Variants in PTPRQ observed in about 807,000 individuals in gnomAD.
The protein encoded by PTPRQ is protein tyrosine phosphatase receptor type Q, also known as phosphatidylinositol phosphatase PTPRQ.
Under a neutral mutation model 246.0 loss-of-function variants are expected in PTPRQ, and 199 were observed. That is an observed-to-expected ratio of 0.81 (90% CI 0.72 to 0.91). PTPRQ has a LOEUF of 0.91. Among genes scored for constraint, PTPRQ ranks in the 40% least tolerant of loss-of-function variants. PTPRQ has a pLI of 0.00. For synonymous variants in PTPRQ, 869 were observed against 853.2 expected (o/e 1.02, Z -0.32); for missense variants, 2,624 against 2,528.4 (o/e 1.04, Z -0.81).
Position 80,447,373 on chromosome 12 carries a change from T to C in PTPRQ, c.390+1656T>C, listed in dbSNP as rs181681408. Reference sequence around the variant, plus strand: ...TCTGTTTACTCTGTTAATTATTTCCTTTGCTGTGCAGAAGCTTTTTAGTTT... The same window carrying C: ...TCTGTTTACTCTGTTAATTATTTCCCTTGCTGTGCAGAAGCTTTTTAGTTT... On this transcript the variant is annotated intron_variant, in intron 3 of 44. Transcript: ENST00000644991. 5.9e-5 allele frequency among the ~76,000 whole-genome samples: 9 copies of C among 152,240 alleles called. No individual in the cohort carries two copies. In the South Asian group the frequency reaches 1.7e-3, roughly 28 times the overall value.
chr12:80,597,026 C>G (rs1897992441), intron 26 of PTPRQ, among the ~76,000 whole-genome samples: 2 of 151,886 alleles, frequency 1.3e-5, no homozygotes, highest in Admixed American at 1.3e-4. Context: ...TTGAGCAAAG[C>G]CTCAGGGTGG....
chr12:80,543,023 T>C, intron 23 of PTPRQ, 142 bp downstream of exon 23: 2 of 640,580 alleles, frequency 3.1e-6, no homozygotes, highest in Non-Finnish European at 4.9e-6. Context: ...AATTTAAGGA[T>C]GCTTATGGAA....
At chr12:80,647,813 C>A (rs1268299831) in intron 35 of PTPRQ, among the ~76,000 whole-genome samples, 1 of 151,860 alleles carries the variant, frequency 6.6e-6, no homozygotes, top group African/African-American at 2.4e-5. Context: ...ACTTAGATGC[C>A]CTGTTTGGCA....
At chr12:80,664,647 C>G (rs1350789316) in intron 39 of PTPRQ, among the ~76,000 whole-genome samples, 2 of 151,980 alleles carry the variant, frequency 1.3e-5, no homozygotes, top group African/African-American at 4.8e-5. Flanking sequence ...GAAGAATTGT[C>G]AACACTTACT....
intron 25 of PTPRQ, among the ~76,000 whole-genome samples, chr12:80,550,325 G>T (rs768105128): frequency 6.6e-6 from 1 of 152,012 alleles, no homozygotes; most frequent in Admixed American, 6.6e-5. Context: ...ATTAAAACCT[G>T]TTTCTTTCCT....
intron 37 of PTPRQ, 116 bp from the exon 38 acceptor site, chr12:80,652,628 G>A: frequency 3.0e-6 from 3 of 991,596 alleles, no homozygotes; most frequent in Non-Finnish European, 4.1e-6. Context: ...GTTATGATAG[G>A]TGTTTTTAAT....
intron 27 of PTPRQ, among the ~76,000 whole-genome samples, chr12:80,609,102 C>T (rs1371965180): frequency 6.7e-5 from 10 of 150,118 alleles, no homozygotes; most frequent in Admixed American, 2.0e-4. Flanking sequence ...CTGTATGCAA[C>T]GATAGTATTA....
At chr12:80,566,180 A>G (rs1202495615) in intron 25 of PTPRQ, among the ~76,000 whole-genome samples, 1 of 152,186 alleles carries the variant, frequency 6.6e-6, no homozygotes, top group African/African-American at 2.4e-5. Context: ...AAGATACATT[A>G]AAAATTAATA....
chr12:80,497,021 G>C (rs886239492), intron 14 of PTPRQ, among the ~76,000 whole-genome samples: 1 of 151,912 alleles, frequency 6.6e-6, no homozygotes, highest in Admixed American at 6.6e-5. Flanking sequence ...GGATGTTATA[G>C]AGCAGGGGTC....
intron 28 of PTPRQ, among the ~76,000 whole-genome samples, chr12:80,613,286 C>A (rs1898622711): frequency 6.6e-6 from 1 of 150,558 alleles, no homozygotes; most frequent in African/African-American, 2.4e-5. Flanking sequence ...CCATTGCACT[C>A]CAGTCAGGGT....
chr12:80,481,707 C>G (rs201842169), intron 8 of PTPRQ, among the ~76,000 whole-genome samples: 47 of 151,980 alleles, frequency 3.1e-4, no homozygotes, highest in Non-Finnish European at 6.0e-4. Flanking sequence ...GTACAAAAAT[C>G]ACAAGCATTC....
At chr12:80,659,372 A>G (rs1900553824) in intron 39 of PTPRQ, among the ~76,000 whole-genome samples, 1 of 152,084 alleles carries the variant, frequency 6.6e-6, no homozygotes, top group Non-Finnish European at 1.5e-5. Context: ...AATGATGCAT[A>G]TATGCATTTA....
chr12:80,572,452 TTAAAAG>T (rs1478816603), intron 25 of PTPRQ, among the ~76,000 whole-genome samples: 7 of 152,252 alleles, frequency 4.6e-5, no homozygotes, highest in African/African-American at 1.7e-4. Context: ...TCTTCTAAAA[TTAAAAG>T]TATTTTTCTC....
intron 3 of PTPRQ, among the ~76,000 whole-genome samples, chr12:80,450,135 A>C (rs1892703656): frequency 6.6e-6 from 1 of 151,812 alleles, no homozygotes; most frequent in Admixed American, 6.6e-5. Flanking sequence ...TTCTCTTTGA[A>C]TCAATTGTGA....
intron 25 of PTPRQ, among the ~76,000 whole-genome samples, chr12:80,577,956 A>G (rs886672969): frequency 5.3e-5 from 8 of 152,178 alleles, no homozygotes; most frequent in African/African-American, 1.9e-4. Flanking sequence ...CATGAACGGT[A>G]TACTTACAAT....
At chr12:80,458,131 T>A (rs1268749647) in intron 4 of PTPRQ, among the ~76,000 whole-genome samples, 1 of 152,066 alleles carries the variant, frequency 6.6e-6, no homozygotes, top group Non-Finnish European at 1.5e-5. Context: ...CATGCAGTCA[T>A]TACCAAACCA....
intron 38 of PTPRQ, among the ~76,000 whole-genome samples, chr12:80,654,015 CTTTT>C (rs966325772): frequency 2.5e-4 from 38 of 151,592 alleles, no homozygotes; most frequent in African/African-American, 9.0e-4. Context: ...TTCTTTCTTT[CTTTT>C]TTTCTTTCTT....
intron 17 of PTPRQ, among the ~76,000 whole-genome samples, chr12:80,531,390 C>T (rs1171335302): frequency 1.3e-5 from 2 of 152,136 alleles, no homozygotes; most frequent in East Asian, 1.9e-4. Context: ...GATTTTAAAA[C>T]TAAGCCAGCT....
At chr12:80,465,257 G>A (rs544258636) in intron 6 of PTPRQ, 1 of 152,218 alleles carries the variant, frequency 6.6e-6, no homozygotes, top group African/African-American at 2.4e-5. Flanking sequence ...AAATCTAGAA[G>A]AAATGGATAA....
Sources: gnomAD v4.1 joint callset for allele counts (sites outside exome capture counted in the v4.1 genomes callset) on GRCh38, gnomAD v4.1.1 for gene constraint, MANE v1.5 for transcripts, NCBI Gene and HGNC (gene_info 2026-07-23, HGNC 2026-07-21) for gene names.